The following KIDINS220 variants were observed in gnomAD, a reference collection of about 807,000 sequenced individuals.
KIDINS220 encodes the protein kinase D interacting substrate 220, also known as kinase D-interacting substrate of 220 kDa.
In KIDINS220, 63 loss-of-function variants were observed where a neutral mutation model predicts 157.6. The observed-to-expected ratio is 0.40, with a 90% CI of 0.33 to 0.49. The LOEUF (loss-of-function observed/expected upper bound fraction) is 0.49, where lower values mean the gene tolerates loss of function less well. Ranked by LOEUF, KIDINS220 falls within the 20% of genes least tolerant of loss-of-function variation. KIDINS220 has a pLI of 0.66. For missense variants in KIDINS220, 1,772 were observed against 2,171.2 expected, an observed-to-expected ratio of 0.82 and a Z score of 3.65; for synonymous variants, 732 against 783.6, an observed-to-expected ratio of 0.93 and a Z score of 1.10.
chr2:8,834,294 C>A (rs12470095), intron 1 of KIDINS220, among the ~76,000 whole-genome samples: 3 of 151,594 alleles, frequency 2.0e-5, no homozygotes, highest in African/African-American at 7.3e-5. Flanking sequence ...AGGGCCAAGG[C>A]CTTGCTTGAT....
chr2:8,723,454 G>A (rs769747041), downstream of KIDINS220: 6 of 152,208 alleles, frequency 3.9e-5, no homozygotes, highest in Non-Finnish European at 8.8e-5. Flanking sequence ...GTATTCAGTC[G>A]ATTAGATTTG....
chr2:8,743,451 C>T (rs1040111593), intron 26 of KIDINS220, among the ~76,000 whole-genome samples: 8 of 152,192 alleles, frequency 5.3e-5, no homozygotes, highest in African/African-American at 1.9e-4. Flanking sequence ...TATGCTAAGG[C>T]TGACTAATCC....
chr2:8,744,378 AAAAAAAAAAAATATATATATATAAT>A (rs1413874093), intron 26 of KIDINS220, among the ~76,000 whole-genome samples: 22 of 25,926 alleles, frequency 8.5e-4, no homozygotes, highest in African/African-American at 3.1e-3. Flanking sequence ...AAAAAAAAAA[AAAAAAAAAAAATATATATATATAAT>A]ATATATATAT....
chr2:8,799,890 T>C (rs550984631), intron 9 of KIDINS220, among the ~76,000 whole-genome samples: 1 of 152,322 alleles, frequency 6.6e-6, no homozygotes, highest in South Asian at 2.1e-4. Context: ...AAATTAATAA[T>C]CTTTGTGGTT....
intron 17 of KIDINS220, among the ~76,000 whole-genome samples, chr2:8,783,892 T>C (rs1350502510): frequency 6.6e-6 from 1 of 152,036 alleles, no homozygotes; most frequent in Non-Finnish European, 1.5e-5. Context: ...GCAATCTCAA[T>C]GAAAATCCCA....
intron 23 of KIDINS220, 101 bp downstream of exon 23, chr2:8,751,365 T>C (rs1269469385): frequency 3.1e-6 from 3 of 964,226 alleles, no homozygotes; most frequent in African/African-American, 3.3e-5. Flanking sequence ...TCAATACCTC[T>C]TGGTTTTTCA....
chr2:8,796,586 T>A lies in KIDINS220; in HGVS notation c.1098+185A>T, dbSNP rs147675726. On this transcript the variant is annotated intron_variant, in intron 11 of 29. Transcript: ENST00000256707. ...GGAAAGTCGGAAGCAGCTGCGTTAA[T>A]AGCACACTGAGCCCACCCACTCCTC... is the stretch of plus-strand genomic sequence containing the variant. Among the ~76,000 whole-genome samples the A allele has an allele frequency of 1.2e-3, 176 of 152,204 alleles. 2 individuals are homozygous for A. Among genetic ancestry groups the A allele is most frequent in the Non-Finnish European group, 4.1e-4 (28 of 68,004 alleles).
intron 6 of KIDINS220, among the ~76,000 whole-genome samples, chr2:8,810,661 C>G (rs536386755): frequency 3.6e-4 from 55 of 152,256 alleles, no homozygotes; most frequent in African/African-American, 1.3e-3. Flanking sequence ...TGGCACGCAC[C>G]TGTAATCCCA....
rs1663883573 is a variant in KIDINS220, at chr2:8,730,446, C to T, written c.*274G>A. On this transcript the variant is annotated 3_prime_UTR_variant, in exon 30 of 30. Coordinates refer to ENST00000256707, the MANE Select transcript of KIDINS220 (RefSeq NM_020738.4). ...TTTATACTCAGATCTCACCTCGTCT[C>T]AAAAAGTTTTATGGGGTAATGCGCC... 8.0e-7 allele frequency: 1 copy of T among 1,250,410 alleles called. No individual in the cohort carries two copies. The highest frequency in any genetic ancestry group is 1.5e-5 in the African/African-American group (1 of 65,430). The allele number at this position is 1,250,410 out of a possible 1,614,324, so 77.5% of individuals were successfully genotyped here. A position where few individuals can be genotyped will look rare whatever the true frequency, so the allele number is the denominator to read the frequency against.
At chr2:8,737,104 G>A in intron 26 of KIDINS220, 105 bp from the exon 27 acceptor site, 9 of 1,098,428 alleles carry the variant, frequency 8.2e-6, no homozygotes, top group South Asian at 5.0e-5. Context: ...ATGAAGTAAA[G>A]TAAAAAAAAA....
At chr2:8,768,816 A>G (rs558303046) in intron 22 of KIDINS220, among the ~76,000 whole-genome samples, 5 of 152,150 alleles carry the variant, frequency 3.3e-5, no homozygotes, top group Admixed American at 6.5e-5. Flanking sequence ...TGGCTTTCCA[A>G]TATGTTAATC....
chr2:8,771,885 A>G (rs1165295678), intron 21 of KIDINS220, among the ~76,000 whole-genome samples: 1 of 152,158 alleles, frequency 6.6e-6, no homozygotes, highest in East Asian at 1.9e-4. Context: ...ATATACACAC[A>G]GTGCTGTGTG....
chr2:8,830,050 T>C (rs1679384748), intron 1 of KIDINS220, among the ~76,000 whole-genome samples: 1 of 152,042 alleles, frequency 6.6e-6, no homozygotes, highest in Non-Finnish European at 1.5e-5. Context: ...TCCTCATCTC[T>C]ACTCTACCAA....
rs1675470214 is a variant in KIDINS220 at position 8,806,463 on chromosome 2, T to C, written c.505-94A>G. ...GAATTTTAATAAAAATCTTACTTTTTATCATTCTCATAAAACTGTATACAT... is the reference window on the plus strand; with the variant it reads ...GAATTTTAATAAAAATCTTACTTTTCATCATTCTCATAAAACTGTATACAT... On this transcript the variant is annotated intron_variant, in intron 6 of 29. Coordinates refer to ENST00000256707, the MANE Select transcript of KIDINS220 (RefSeq NM_020738.4). The C allele has an allele frequency of 1.3e-5, 10 of 756,292 alleles. No homozygotes were observed. In the East Asian group the frequency reaches 2.8e-4, roughly 22 times the overall value. 46.8% of individuals were successfully genotyped at this position (756,292 alleles called of 1,614,324 possible).
chr2:8,742,381 G>T (rs73153143), intron 26 of KIDINS220, among the ~76,000 whole-genome samples: 1 of 152,028 alleles, frequency 6.6e-6, no homozygotes, highest in African/African-American at 2.4e-5. Flanking sequence ...CTTACTGCAT[G>T]GGCCATCCCA....
rs1032115431 is a variant in KIDINS220 at position 8,748,091 on chromosome 2, T to C, written c.3415-91A>G. The C allele has an allele frequency of 1.3e-5, 8 of 613,518 alleles. No individual in the cohort carries two copies. The South Asian group carries it at 3.5e-4, about 27-fold the overall frequency. The allele number at this position is 613,518 out of a possible 1,614,324, so 38.0% of individuals were successfully genotyped here. ...TCAAATGAAACCAATAAGATACAAC[T>C]CCAAAACTTTAATGCAAATGACAAA... On this transcript the variant is annotated intron_variant, in intron 24 of 29. Coordinates refer to ENST00000256707, the MANE Select transcript of KIDINS220 (RefSeq NM_020738.4).
At chr2:8,744,409 T>TAG (rs1666247677) in intron 26 of KIDINS220, among the ~76,000 whole-genome samples, 1 of 31,702 alleles carries the variant, frequency 3.2e-5, no homozygotes, top group Non-Finnish European at 7.9e-5. Flanking sequence ...ATAATATATA[T>TAG]ATATATATAT....
intron 21 of KIDINS220, among the ~76,000 whole-genome samples, chr2:8,774,505 A>G (rs144801858): frequency 2.4e-4 from 37 of 152,308 alleles, no homozygotes; most frequent in African/African-American, 1.2e-4. Flanking sequence ...ATGTCATTTT[A>G]TACGAGATGG....
At chr2:8,823,067 C>CT (rs910265552) in intron 2 of KIDINS220, among the ~76,000 whole-genome samples, 4 of 152,110 alleles carry the variant, frequency 2.6e-5, no homozygotes, top group African/African-American at 7.2e-5. Flanking sequence ...CCTTGAACTC[C>CT]TGGGGTCAAG....
Sources: allele counts gnomAD v4.1 joint callset (sites outside exome capture counted in the v4.1 genomes callset), GRCh38; gene constraint gnomAD v4.1.1; transcripts MANE v1.5; gene names NCBI Gene and HGNC (gene_info 2026-07-23, HGNC 2026-07-21).